The following ZFAND1 variants were observed in gnomAD, a reference collection of about 807,000 sequenced individuals.
ZFAND1 encodes the protein zinc finger AN1-type containing 1.
ZFAND1 carries 40 observed loss-of-function variants against 38.5 expected under a neutral mutation model. The observed-to-expected ratio is 1.04, with a 90% CI of 0.81 to 1.35. ZFAND1 has a LOEUF of 1.35. ZFAND1 is among the 40% of genes most tolerant of loss of function. The pLI is 0.00. For missense variants in ZFAND1, 346 were observed against 316.3 expected (o/e 1.09, Z -0.71); for synonymous variants, 117 against 103.6 (o/e 1.13, Z -0.78).
chr8:81,716,135 C>T (rs1224598900), intron 3 of ZFAND1, among the ~76,000 whole-genome samples: 9 of 152,206 alleles, frequency 5.9e-5, no homozygotes, highest in Non-Finnish European at 1.0e-4. Flanking sequence ...ACTTTAATAA[C>T]TTTCTATAAC....
At chr8:81,706,108 A>G (rs573992402) in intron 6 of ZFAND1, among the ~76,000 whole-genome samples, 27 of 152,294 alleles carry the variant, frequency 1.8e-4, no homozygotes, top group Admixed American at 6.5e-4. Context: ...AAATTGGAAA[A>G]TATCACAAGA....
intron 1 of ZFAND1, among the ~76,000 whole-genome samples, chr8:81,719,310 A>AACACACACACAC (rs71268018): frequency 0.069 from 8,639 of 124,698 alleles, 413 homozygotes; most frequent in Admixed American, 0.11. Context: ...CTCTACTGAA[A>AACACACACACAC]ACACACACAC....
chr8:81,708,871 G>A (rs1383641254), intron 6 of ZFAND1: 17 of 1,059,858 alleles, frequency 1.6e-5, no homozygotes, highest in Non-Finnish European at 1.6e-5. Flanking sequence ...AGAGCTGCAA[G>A]TACTAAAGAT....
At chr8:81,708,882 G>A in intron 6 of ZFAND1, 1 of 991,028 alleles carries the variant, frequency 1.0e-6, no homozygotes, top group South Asian at 1.6e-5. Flanking sequence ...TACTAAAGAT[G>A]ATTAAAAAAC....
chr8:81,708,956 T>C (rs1378983402), intron 6 of ZFAND1: 7 of 279,002 alleles, frequency 2.5e-5, no homozygotes, highest in Non-Finnish European at 4.4e-5. Flanking sequence ...GAAATGTGAA[T>C]TGTAATTTCT....
At chr8:81,719,005 T>C (rs1320191157) in intron 1 of ZFAND1, among the ~76,000 whole-genome samples, 1 of 152,016 alleles carries the variant, frequency 6.6e-6, no homozygotes, top group Non-Finnish European at 1.5e-5. Flanking sequence ...TATATGTGTG[T>C]ATGCATGTGT....
chr8:81,707,888 G>A (rs759001821), intron 6 of ZFAND1, among the ~76,000 whole-genome samples: 4 of 152,022 alleles, frequency 2.6e-5, no homozygotes, highest in Non-Finnish European at 5.9e-5. Context: ...TAAACAACTG[G>A]AAGAAAATAA....
At chr8:81,715,879 G>A (rs1024388076) in intron 3 of ZFAND1, among the ~76,000 whole-genome samples, 13 of 152,130 alleles carry the variant, frequency 8.5e-5, no homozygotes, top group African/African-American at 3.1e-4. Context: ...CTAATTATCT[G>A]AGACACATTC....
chr8:81,702,752 C>A lies in ZFAND1; in HGVS notation c.750G>T (p.Leu250Phe). 6.3e-7 allele frequency: 1 copy of A among 1,595,414 alleles called. No individual in the cohort carries two copies. The highest frequency in any genetic ancestry group is 8.5e-7 in the Non-Finnish European group (1 of 1,172,482). The part of the protein sequence containing the change: ...CPLYNGGNII[L>F]EYLNDEEQFC... ...ATTGTTCTTCATCATTAAGATATTC[C>A]AAGATTATATTTCCACCATTATATA... The change falls in exon 8 of 8, where the codon TTG becomes TTT. Residue 250 changes from leucine (L) to phenylalanine (F), a missense_variant. By Grantham distance (22) the Leu-to-Phe change is conservative (BLOSUM62 0). Coordinates refer to ENST00000220669, the MANE Select transcript of ZFAND1 (RefSeq NM_024699.3).
At chr8:81,720,642 C>G (rs761681199) in intron 1 of ZFAND1, 1 of 152,668 alleles carries the variant, frequency 6.6e-6, no homozygotes, top group South Asian at 2.0e-4. Context: ...CTCCTCCTGA[C>G]AGCTACGTAA....
intron 3 of ZFAND1, 45 bp from the exon 4 acceptor site, chr8:81,715,159 A>C: frequency 6.2e-7 from 1 of 1,601,714 alleles, no homozygotes; most frequent in Non-Finnish European, 8.5e-7. Context: ...TCAGACCTAA[A>C]ACAAATCAAT....
chr8:81,717,165 G>T, intron 3 of ZFAND1, 84 bp downstream of exon 3: 2 of 1,179,396 alleles, frequency 1.7e-6, no homozygotes, highest in South Asian at 3.4e-5. Flanking sequence ...CTGTGATACT[G>T]ACTGCCTTTA....
At chr8:81,708,003 C>T (rs1373216668) in intron 6 of ZFAND1, among the ~76,000 whole-genome samples, 1 of 152,138 alleles carries the variant, frequency 6.6e-6, no homozygotes, top group Non-Finnish European at 1.5e-5. Context: ...AATCCCAGCA[C>T]CTTGGGAGGC....
chr8:81,714,773 A>G (rs770975664), intron 5 of ZFAND1, 31 bp downstream of exon 5: 4 of 1,601,594 alleles, frequency 2.5e-6, no homozygotes, highest in Non-Finnish European at 3.4e-6. Context: ...GGAACTAGGA[A>G]AGCAACAAAA....
intron 1 of ZFAND1, 96 bp from the exon 2 acceptor site, chr8:81,718,320 T>G (rs557344724): frequency 3.3e-6 from 3 of 913,718 alleles, no homozygotes; most frequent in Non-Finnish European, 4.9e-6. Flanking sequence ...ACTTCCCATT[T>G]TGACTAATAT....
chr8:81,714,221 T>C (rs968411723), intron 5 of ZFAND1, 182 bp from the exon 6 acceptor site: 5 of 571,656 alleles, frequency 8.7e-6, no homozygotes, highest in Middle Eastern at 4.7e-4. Context: ...ATCATTGAGA[T>C]TGATCTAGGC....
At chr8:81,712,259 T>C (rs1415997935) in intron 6 of ZFAND1, among the ~76,000 whole-genome samples, 1 of 152,188 alleles carries the variant, frequency 6.6e-6, no homozygotes, top group East Asian at 1.9e-4. Flanking sequence ...AAAAGGCTAC[T>C]TATACAAATT....
chr8:81,714,730 A>T, intron 5 of ZFAND1, 74 bp downstream of exon 5: 1 of 1,307,950 alleles, frequency 7.6e-7, no homozygotes. Context: ...TGCCTCCCAT[A>T]ATTGGAAAGT....
Position 81,702,185 on chromosome 8 carries a change from TAGAC to T in ZFAND1, c.*506_*509del, listed in dbSNP as rs1158828817. On this transcript the variant is annotated 3_prime_UTR_variant, in exon 8 of 8. Transcript: ENST00000220669. ...ATATATCAATTTATACATCATGATG[TAGAC>T]AGACAGCAAGGCTATACTTTCTGGC... 3 of 152,332 alleles carry T rather than the reference TAGAC, an allele frequency of 2.0e-5. No individual in the cohort carries two copies. The highest frequency in any genetic ancestry group is 6.5e-5 in the Admixed American group (1 of 15,286). The allele number at this position is 152,332 out of a possible 1,614,324, so 9.4% of individuals were successfully genotyped here. A position where few individuals can be genotyped will look rare whatever the true frequency, so the allele number is the denominator to read the frequency against.
Sources: allele counts gnomAD v4.1 joint callset (sites outside exome capture counted in the v4.1 genomes callset), GRCh38; gene constraint gnomAD v4.1.1; transcripts MANE v1.5; gene names NCBI Gene and HGNC (gene_info 2026-07-23, HGNC 2026-07-21).